Variants in SGTB observed in about 807,000 individuals in gnomAD.
SGTB encodes the protein small glutamine-rich tetratricopeptide repeat-containing protein beta.
SGTB carries 19 observed loss-of-function variants against 43.9 expected under a neutral mutation model. The ratio of observed to expected loss-of-function variants is 0.43; its 90% CI spans 0.30 to 0.63. The LOEUF is 0.63. Ranked by LOEUF, SGTB falls within the 30% of genes least tolerant of loss-of-function variation. SGTB has a pLI of 0.12. For missense variants in SGTB, 304 were observed against 358.9 expected (o/e 0.85, Z 1.24); for synonymous variants, 116 against 117.3 (o/e 0.99, Z 0.07).
chr5:65,702,250 G>A (rs1427213851), intron 5 of SGTB, among the ~76,000 whole-genome samples: 6 of 152,046 alleles, frequency 3.9e-5, no homozygotes, highest in African/African-American at 1.2e-4. Context: ...GTCCAATACC[G>A]AAGGTCCCCT....
At chr5:65,715,995 C>T (rs988074083) in intron 2 of SGTB, among the ~76,000 whole-genome samples, 1 of 152,216 alleles carries the variant, frequency 6.6e-6, no homozygotes, top group African/African-American at 2.4e-5. Flanking sequence ...GTCTCAAATT[C>T]CCGACCTCAA....
intron 6 of SGTB, among the ~76,000 whole-genome samples, chr5:65,684,918 G>C (rs1279035249): frequency 2.0e-5 from 3 of 151,804 alleles, no homozygotes; most frequent in Non-Finnish European, 4.4e-5. Context: ...GCAGACTGAT[G>C]GATTTGCAAG....
intron 5 of SGTB, 93 bp downstream of exon 5, chr5:65,704,186 A>T: frequency 2.1e-6 from 2 of 967,614 alleles, no homozygotes; most frequent in Non-Finnish European, 1.4e-6. Context: ...GAACTTTCAA[A>T]ATTTTCTAAA....
At chr5:65,684,436 G>C (rs934064371) in intron 6 of SGTB, among the ~76,000 whole-genome samples, 9 of 152,190 alleles carry the variant, frequency 5.9e-5, no homozygotes, top group Admixed American at 5.9e-4. Context: ...TCATCTATTA[G>C]AGATGGAAGA....
chr5:65,671,755 T>C (rs565659848), intron 10 of SGTB, among the ~76,000 whole-genome samples, 160 bp downstream of exon 10: 3 of 152,330 alleles, frequency 2.0e-5, no homozygotes, highest in South Asian at 4.1e-4. Flanking sequence ...AAAGTGGTTG[T>C]AATTCATGAA....
At chr5:65,702,538 G>GA (rs1437665016) in intron 5 of SGTB, among the ~76,000 whole-genome samples, 2 of 152,158 alleles carry the variant, frequency 1.3e-5, no homozygotes, top group Non-Finnish European at 2.9e-5. Context: ...GAAAGAGGAA[G>GA]AAAGAAGTCT....
At chr5:65,674,930 C>A (rs190450719) in intron 8 of SGTB, among the ~76,000 whole-genome samples, 92 of 152,288 alleles carry the variant, frequency 6.0e-4, no homozygotes, top group African/African-American at 1.7e-3. Flanking sequence ...GCTAAAAAGA[C>A]TTATCTCACT....
chr5:65,691,832 G>A (rs959318117), intron 5 of SGTB, among the ~76,000 whole-genome samples: 2 of 151,180 alleles, frequency 1.3e-5, no homozygotes, highest in Admixed American at 1.3e-4. Flanking sequence ...TCGGGAGGCC[G>A]ACGCAGGAGA....
At chr5:65,719,234 A>G (rs920759487) in intron 2 of SGTB, among the ~76,000 whole-genome samples, 7 of 152,166 alleles carry the variant, frequency 4.6e-5, no homozygotes, top group Non-Finnish European at 8.8e-5. Context: ...CAGTTTCAAG[A>G]TGGGATTTAT....
At chr5:65,713,330 A>G (rs553375361) in intron 2 of SGTB, among the ~76,000 whole-genome samples, 3 of 146,684 alleles carry the variant, frequency 2.0e-5, no homozygotes, top group East Asian at 2.0e-4. Context: ...TTTCTTCCCA[A>G]TTTTTTTTTA....
intron 5 of SGTB, among the ~76,000 whole-genome samples, chr5:65,691,420 T>A (rs774807588): frequency 2.0e-5 from 3 of 151,992 alleles, no homozygotes; most frequent in Admixed American, 6.6e-5. Flanking sequence ...TTGGTTTTTT[T>A]ATTATTTTAT....
intron 6 of SGTB, among the ~76,000 whole-genome samples, chr5:65,684,243 C>T (rs1757454800): frequency 6.6e-6 from 1 of 151,886 alleles, no homozygotes; most frequent in Non-Finnish European, 1.5e-5. Flanking sequence ...CCCCACCACT[C>T]CTGGATAATT....
At chr5:65,675,364 C>T (rs1457270969) in intron 8 of SGTB, among the ~76,000 whole-genome samples, 1 of 152,168 alleles carries the variant, frequency 6.6e-6, no homozygotes, top group Admixed American at 6.5e-5. Context: ...TAGATATCTT[C>T]CTAGGACCAC....
At chr5:65,678,653 G>A in intron 8 of SGTB, among the ~76,000 whole-genome samples, 1 of 152,130 alleles carries the variant, frequency 6.6e-6, no homozygotes, top group Non-Finnish European at 1.5e-5. Flanking sequence ...CAGACACATA[G>A]ACCAGTGGAA....
intron 5 of SGTB, among the ~76,000 whole-genome samples, chr5:65,694,393 C>T (rs1190677692): frequency 6.6e-6 from 1 of 152,070 alleles, no homozygotes; most frequent in African/African-American, 2.4e-5. Flanking sequence ...GATCGTGCCA[C>T]TGCACTCCAG....
intron 5 of SGTB, among the ~76,000 whole-genome samples, chr5:65,692,782 GTATGATAGTTA>G (rs1319227106): frequency 2.6e-5 from 4 of 152,140 alleles, no homozygotes; most frequent in Non-Finnish European, 4.4e-5. Flanking sequence ...CATGTAAATG[GTATGATAGTTA>G]TATGAAACAT....
chr5:65,689,089 C>T (rs768775124), intron 5 of SGTB, among the ~76,000 whole-genome samples: 1 of 152,184 alleles, frequency 6.6e-6, no homozygotes, highest in Non-Finnish European at 1.5e-5. Context: ...GGATTACAGG[C>T]GTGAGCCACC....
At chr5:65,680,262 A>C (rs909529765) in intron 8 of SGTB, among the ~76,000 whole-genome samples, 2 of 152,196 alleles carry the variant, frequency 1.3e-5, no homozygotes, top group African/African-American at 4.8e-5. Flanking sequence ...TCTGTGCAGC[A>C]AACTACCATG....
At chr5:65,715,997 C>T (rs1305307359) in intron 2 of SGTB, among the ~76,000 whole-genome samples, 3 of 152,164 alleles carry the variant, frequency 2.0e-5, no homozygotes, top group Admixed American at 6.5e-5. Flanking sequence ...CTCAAATTCC[C>T]GACCTCAAGT....
Sources: allele counts gnomAD v4.1 joint callset (sites outside exome capture counted in the v4.1 genomes callset), GRCh38; gene constraint gnomAD v4.1.1; transcripts MANE v1.5; gene names NCBI Gene and HGNC (gene_info 2026-07-23, HGNC 2026-07-21).